IGFBP5: variants seen among roughly 807,000 people sequenced by gnomAD.
IGFBP5 encodes insulin like growth factor binding protein 5.
A neutral mutation model predicts 28.0 loss-of-function variants in IGFBP5; 12 were observed. That is an observed-to-expected ratio of 0.43 (90% CI 0.27 to 0.69). IGFBP5 has a LOEUF of 0.69. Ranked by LOEUF, IGFBP5 falls within the 30% of genes least tolerant of loss-of-function variation. IGFBP5 has a pLI of 0.20. For synonymous variants in IGFBP5, 152 were observed against 150.2 expected, an observed-to-expected ratio of 1.01 and a Z score of -0.09; for missense variants, 344 against 381.6, an observed-to-expected ratio of 0.90 and a Z score of 0.82.
In IGFBP5 at chr2:216,678,833, G is replaced by C; in HGVS notation, c.567+17C>G. 2 of 1,594,768 alleles carry C rather than the reference G, an allele frequency of 1.3e-6. No individual in the cohort carries two copies. The highest frequency in any genetic ancestry group is 1.7e-6 in the Non-Finnish European group (2 of 1,163,850). On this transcript the variant is annotated intron_variant, in intron 2 of 3. Coordinates refer to ENST00000233813, the MANE Select transcript of IGFBP5 (RefSeq NM_000599.4). Reference sequence around the variant, plus strand: ...GGTCAAAAGCTGGGAGGGAATGAGGGAATCCCCGAGATGCACCTGCTCAGA... The same window carrying C: ...GGTCAAAAGCTGGGAGGGAATGAGGCAATCCCCGAGATGCACCTGCTCAGA...
intron 1 of IGFBP5, among the ~76,000 whole-genome samples, chr2:216,688,020 G>A (rs1043550773): frequency 1.3e-4 from 20 of 152,166 alleles, no homozygotes; most frequent in African/African-American, 3.6e-4. Context: ...GCCTTCTCAG[G>A]TGAGAGAGGG....
Position 216,694,473 on chromosome 2 carries a change from G to A in IGFBP5, c.303C>T (p.Leu101=). ...HALLHGRGVC[L]NEKSYREQVK... ...CTTGCTCGCGGTAGCTCTTTTCGTT[G>A]AGGCAAACCCCGCGGCCGTGCAGCA... Residue 101 remains leucine (L), a synonymous_variant, in exon 1 of 4, where the codon CTC becomes CTT. Coordinates refer to ENST00000233813, the MANE Select transcript of IGFBP5 (RefSeq NM_000599.4). This position sits in a 1 kb window ranked among gnomAD's most constrained non-coding sequence, Gnocchi z 5.2. The A allele has an allele frequency of 6.3e-7, 1 of 1,585,216 alleles. No homozygotes were observed. Among genetic ancestry groups the A allele is most frequent in the Non-Finnish European group, 8.5e-7 (1 of 1,169,784 alleles).
chr2:216,682,725 T>C (rs1204083864), intron 1 of IGFBP5, among the ~76,000 whole-genome samples: 1 of 151,826 alleles, frequency 6.6e-6, no homozygotes, highest in Admixed American at 6.5e-5. Flanking sequence ...TTTTTTTTTT[T>C]TGAGACAGAG....
chr2:216,677,392 C>T (rs1688916094), intron 3 of IGFBP5, among the ~76,000 whole-genome samples: 1 of 152,174 alleles, frequency 6.6e-6, no homozygotes, highest in South Asian at 2.1e-4. Context: ...GTAGACACCA[C>T]TCAACGTTTG....
At position 216,679,656 on chromosome 2, in the gene IGFBP5, G is replaced by T. The variant is rs1287674093; in HGVS notation, c.338-577C>A. ...GACCTGGGGAACCTAGGAGGAGGGGGTCCTGGGGTCTGGAGCAGCAGGGTG... is the reference window on the plus strand; with the variant it reads ...GACCTGGGGAACCTAGGAGGAGGGGTTCCTGGGGTCTGGAGCAGCAGGGTG... On this transcript the variant is annotated intron_variant, in intron 1 of 3. Transcript: ENST00000233813. This position sits in a 1 kb window ranked among gnomAD's most constrained non-coding sequence, Gnocchi z 4.6. 6.6e-6 allele frequency among the ~76,000 whole-genome samples: 1 copy of T among 152,096 alleles called. No individual in the cohort carries two copies. The highest frequency in any genetic ancestry group is 1.5e-5 in the Non-Finnish European group (1 of 68,030).
At chr2:216,691,884 G>C in intron 1 of IGFBP5, among the ~76,000 whole-genome samples, 1 of 108,544 alleles carries the variant, frequency 9.2e-6, no homozygotes, top group Non-Finnish European at 2.0e-5. Flanking sequence ...TGTGTATGCT[G>C]CAACTGCGGG....
rs1689143152 is a variant in IGFBP5 at position 216,694,490 on chromosome 2, C to G, written c.286G>C (p.Gly96Arg). 2 of 1,589,800 alleles carry G rather than the reference C, an allele frequency of 1.3e-6. No individual in the cohort carries two copies. The highest frequency in any genetic ancestry group is 1.7e-6 in the Non-Finnish European group (2 of 1,171,530). Reference protein sequence around the residue: ...EEKPLHALLHGRGVCLNEKSY... With the variant: ...EEKPLHALLHRRGVCLNEKSY... ...TTTTCGTTGAGGCAAACCCCGCGGCCGTGCAGCAGGGCGTGCAGCGGCTTC... is the reference window on the plus strand; with the variant it reads ...TTTTCGTTGAGGCAAACCCCGCGGCGGTGCAGCAGGGCGTGCAGCGGCTTC... The change falls in exon 1 of 4, where the codon GGC (glycine) becomes CGC (arginine). Residue 96 changes from glycine (G) to arginine (R), a missense_variant. Gly to Arg is a moderately radical substitution (Grantham distance 125, BLOSUM62 -2). Around this residue, in one of 3 missense-constraint regions of IGFBP5, gnomAD observed 304 missense variants for 329.2 expected, o/e 0.92. Coordinates refer to ENST00000233813, the MANE Select transcript of IGFBP5 (RefSeq NM_000599.4). The surrounding 1 kb of genome is among the most constrained non-coding windows in gnomAD (Gnocchi z 5.2).
At chr2:216,693,256 C>T (rs1305729108) in intron 1 of IGFBP5, among the ~76,000 whole-genome samples, 1 of 151,958 alleles carries the variant, frequency 6.6e-6, no homozygotes, top group African/African-American at 2.4e-5. Context: ...TCAATCATTT[C>T]AACCCTAGAC....
intron 3 of IGFBP5, 90 bp downstream of exon 3, chr2:216,678,022 G>A (rs1688923176): frequency 7.9e-7 from 1 of 1,270,554 alleles, no homozygotes; most frequent in African/African-American, 1.5e-5. Flanking sequence ...GTTAACGGTG[G>A]AAACCTTAGG....
At position 216,679,913 on chromosome 2, in the gene IGFBP5, G is replaced by T. The variant is rs1362829418; in HGVS notation, c.338-834C>A. Among the ~76,000 whole-genome samples the T allele has an allele frequency of 6.6e-6, 1 of 152,224 alleles. No individual in the cohort carries two copies. The highest frequency in any genetic ancestry group is 1.5e-5 in the Non-Finnish European group (1 of 68,034). On this transcript the variant is annotated intron_variant, in intron 1 of 3. Coordinates refer to ENST00000233813, the MANE Select transcript of IGFBP5 (RefSeq NM_000599.4). The surrounding 1 kb of genome is among the most constrained non-coding windows in gnomAD (Gnocchi z 4.6). ...TATATATAGGAGTGGCTTGCTGACA[G>T]TCTATACTTAGCTGGCTTTTGACCT...
rs34085192 is a variant in IGFBP5, at chr2:216,679,755, G to A, written c.338-676C>T. On this transcript the variant is annotated intron_variant, in intron 1 of 3. Coordinates refer to ENST00000233813, the MANE Select transcript of IGFBP5 (RefSeq NM_000599.4). This position sits in a 1 kb window ranked among gnomAD's most constrained non-coding sequence, Gnocchi z 4.6. ...TGTAGGCCCGGAGGGGACCGGCGTG[G>A]GGCCAAGTGGAAGTCGGAGGCCTTG... Among the ~76,000 whole-genome samples, 514 of 152,288 alleles carry A rather than the reference G, an allele frequency of 3.4e-3. 4 individuals carry two copies. Among genetic ancestry groups the A allele is most frequent in the African/African-American group, 0.011 (464 of 41,560 alleles).
intron 1 of IGFBP5, among the ~76,000 whole-genome samples, chr2:216,688,455 C>A (rs192089919): frequency 8.6e-5 from 13 of 152,002 alleles, no homozygotes; most frequent in Admixed American, 2.6e-4. Context: ...AATTAATTTC[C>A]CTGTTTTTTT....
At position 216,694,454 on chromosome 2, in the gene IGFBP5, C is replaced by T; in HGVS notation, c.322G>A (p.Glu108Lys). 6.4e-7 allele frequency: 1 copy of T among 1,566,714 alleles called. No individual in the cohort carries two copies. The highest frequency in any genetic ancestry group is 8.6e-7 in the Non-Finnish European group (1 of 1,160,688). ...GVCLNEKSYR[E>K]QVKIERDSRE... Reference sequence around the variant, plus strand: ...GCGCGCTCACCGATCTTGACTTGCTCGCGGTAGCTCTTTTCGTTGAGGCAA... The same window carrying T: ...GCGCGCTCACCGATCTTGACTTGCTTGCGGTAGCTCTTTTCGTTGAGGCAA... The change falls in exon 1 of 4, where the codon GAG becomes AAG. Residue 108 changes from glutamate to lysine, a missense_variant. Physicochemically the swap from Glu to Lys is moderately conservative, Grantham distance 56. Coordinates refer to ENST00000233813, the MANE Select transcript of IGFBP5 (RefSeq NM_000599.4). The surrounding 1 kb of genome is among the most constrained non-coding windows in gnomAD (Gnocchi z 5.2).
intron 1 of IGFBP5, among the ~76,000 whole-genome samples, chr2:216,691,836 C>CGTGTGTGT (rs56040272): frequency 0.028 from 3,357 of 121,176 alleles, 60 homozygotes; most frequent in Middle Eastern, 0.038. Context: ...TATAATATGT[C>CGTGTGTGT]GTGTGTGTGT....
intron 1 of IGFBP5, among the ~76,000 whole-genome samples, chr2:216,683,841 T>C (rs1689007012): frequency 6.6e-6 from 1 of 152,174 alleles, no homozygotes; most frequent in African/African-American, 2.4e-5. Flanking sequence ...GATCTAAATC[T>C]CTGGCTTCTA....
chr2:216,681,210 T>C (rs963009941), intron 1 of IGFBP5, among the ~76,000 whole-genome samples: 39 of 152,244 alleles, frequency 2.6e-4, no homozygotes, highest in Non-Finnish European at 3.1e-4. Flanking sequence ...GCACGTCTTA[T>C]GGAGGGACTG....
At position 216,692,391 on chromosome 2, in the gene IGFBP5, G is replaced by GTGTGTGTA. The variant is rs1689110936; in HGVS notation, c.337+2047_337+2048insTACACACA. Among the ~76,000 whole-genome samples the GTGTGTGTA allele has an allele frequency of 6.6e-6, 1 of 151,714 alleles. No individual in the cohort carries two copies. The highest frequency in any genetic ancestry group is 1.5e-5 in the Non-Finnish European group (1 of 67,808). On this transcript the variant is annotated intron_variant, in intron 1 of 3. Transcript: ENST00000233813. This position sits in a 1 kb window ranked among gnomAD's most constrained non-coding sequence, Gnocchi z 4.2. ...TGTGTGTGTGTGTGTGTGTGTGTGT[G>GTGTGTGTA]TGTGTGTGTGTGATGCGCCCTCCGT...
chr2:216,679,013 T>C lies in IGFBP5; in HGVS notation c.404A>G (p.Lys135Arg). Residue 135 changes from lysine to arginine, a missense_variant, in exon 2 of 4, where the codon AAG (lysine) becomes AGG (arginine). Around this residue, in one of 3 missense-constraint regions of IGFBP5, gnomAD observed 304 missense variants for 329.2 expected, o/e 0.92. Coordinates refer to ENST00000233813, the MANE Select transcript of IGFBP5 (RefSeq NM_000599.4). The surrounding 1 kb of genome is among the most constrained non-coding windows in gnomAD (Gnocchi z 4.6). ...SEMAEETYSP[K>R]IFRPKHTRIS... ...GCGGGTGTGTTTGGGCCGGAAGATC[T>C]TGGGGGAGTAGGTCTCCTCGGCCAT... The C allele has an allele frequency of 1.2e-6, 2 of 1,614,126 alleles. No homozygotes were observed. The highest frequency in any genetic ancestry group is 1.7e-6 in the Non-Finnish European group (2 of 1,180,016).
At chr2:216,693,962 C>T (rs1335691984) in intron 1 of IGFBP5, among the ~76,000 whole-genome samples, 1 of 151,732 alleles carries the variant, frequency 6.6e-6, no homozygotes. Flanking sequence ...GTGGAATTAG[C>T]TCAGAAGATA....
Sources: allele counts gnomAD v4.1 joint callset (sites outside exome capture counted in the v4.1 genomes callset), GRCh38; gene constraint gnomAD v4.1.1; regional missense constraint gnomAD v4.1.1; non-coding constraint Gnocchi (gnomAD v3.1); transcripts MANE v1.5; gene names NCBI Gene and HGNC (gene_info 2026-07-23, HGNC 2026-07-21).